Variants in EPS15L1 observed in about 807,000 individuals in gnomAD.
EPS15L1 encodes epidermal growth factor receptor substrate 15-like 1.
EPS15L1 carries 43 observed loss-of-function variants against 117.1 expected under a neutral mutation model. That is an observed-to-expected ratio of 0.37 (90% CI 0.29 to 0.47). The LOEUF (loss-of-function observed/expected upper bound fraction) is 0.47, where lower values mean the gene tolerates loss of function less well. Among genes scored for constraint, EPS15L1 ranks in the 20% least tolerant of loss-of-function variants. The pLI, the probability that EPS15L1 is intolerant of heterozygous loss-of-function variation, is 0.99. For synonymous variants in EPS15L1, 459 were observed against 470.5 expected, an observed-to-expected ratio of 0.98 and a Z score of 0.32; for missense variants, 981 against 1,164.0, an observed-to-expected ratio of 0.84 and a Z score of 2.29.
In EPS15L1 at chr19:16,394,396, G is replaced by A. The variant is rs2290666; in HGVS notation, c.1916-395C>T. ...CTGGGCTGTCCCTCACTTTATCACC[G>A]GCCCTGCAGCAATGAGGCGGCGGCA... On this transcript the variant is annotated intron_variant, in intron 17 of 23. Coordinates refer to ENST00000455140, the MANE Select transcript of EPS15L1 (RefSeq NM_001258374.3). Among the ~76,000 whole-genome samples the A allele has an allele frequency of 1.0e-3, 153 of 152,236 alleles. No homozygotes were observed. The East Asian group carries it at 0.02, about 20-fold the overall frequency.
intron 4 of EPS15L1, among the ~76,000 whole-genome samples, chr19:16,438,090 T>C (rs1186609554): frequency 6.6e-6 from 1 of 152,162 alleles, no homozygotes; most frequent in Non-Finnish European, 1.5e-5. Context: ...TGGTGGCTCA[T>C]GTCTGTAATC....
At chr19:16,433,715 C>T (rs957562574) in intron 7 of EPS15L1, among the ~76,000 whole-genome samples, 1 of 151,758 alleles carries the variant, frequency 6.6e-6, no homozygotes, top group Non-Finnish European at 1.5e-5. Flanking sequence ...GCCTGTAATC[C>T]CAGCACTTTG....
rs747171364 is a variant in EPS15L1, at chr19:16,437,808, A to G, written c.271T>C (p.Leu91=). ...GGCATGCTCAAATTCAGATTGCTCA[A>G]GGTAACTTCATGGCCACTCTGTGCA... ...ACAQSGHEVT[L]SNLNLSMPPP... is the part of the protein sequence containing the mutation. The change falls in exon 5 of 24, where the codon TTG becomes CTG. Residue 91 remains leucine (L), a synonymous_variant. Transcript: ENST00000455140. 7 of 1,614,150 alleles carry G rather than the reference A, an allele frequency of 4.3e-6. No individual in the cohort carries two copies. The highest frequency in any genetic ancestry group is 5.9e-6 in the Non-Finnish European group (7 of 1,180,010).
chr19:16,361,585 CT>C (rs774439435), intron 23 of EPS15L1, 193 bp downstream of exon 23: 17,181 of 1,023,296 alleles, frequency 0.017, 1 homozygote, highest in East Asian at 0.037. Flanking sequence ...AACTGCGGCT[CT>C]TTTTTTTTTT....
intron 7 of EPS15L1, among the ~76,000 whole-genome samples, chr19:16,430,561 C>T (rs181345883): frequency 6.6e-6 from 1 of 152,218 alleles, no homozygotes; most frequent in African/African-American, 2.4e-5. Flanking sequence ...CCCGGCCTGC[C>T]CATACTAAGC....
At chr19:16,419,385 G>A (rs2092792798) in intron 10 of EPS15L1, among the ~76,000 whole-genome samples, 1 of 152,182 alleles carries the variant, frequency 6.6e-6, no homozygotes, top group Non-Finnish European at 1.5e-5. Context: ...CTTGAACCCA[G>A]GAGGCAGAGG....
intron 21 of EPS15L1, among the ~76,000 whole-genome samples, chr19:16,379,041 C>T (rs1027648231): frequency 1.3e-5 from 2 of 152,168 alleles, no homozygotes; most frequent in East Asian, 3.9e-4. Context: ...CACTGGCTCA[C>T]GCCTGTAATC....
chr19:16,467,775 G>C (rs1250906609), intron 1 of EPS15L1, among the ~76,000 whole-genome samples: 1 of 152,200 alleles, frequency 6.6e-6, no homozygotes, highest in African/African-American at 2.4e-5. Context: ...GCCGGGTGCT[G>C]CTCTGGGAGA....
intron 22 of EPS15L1, 37 bp downstream of exon 22, chr19:16,377,085 G>A (rs770301103): frequency 1.0e-5 from 16 of 1,569,770 alleles, no homozygotes; most frequent in South Asian, 7.0e-5. Flanking sequence ...ATCCGGCACC[G>A]GTAGGCGGTG....
At chr19:16,464,170 C>T (rs986155621) in intron 1 of EPS15L1, among the ~76,000 whole-genome samples, 2 of 152,242 alleles carry the variant, frequency 1.3e-5, no homozygotes, top group East Asian at 1.9e-4. Context: ...TTCCACACCA[C>T]AGGCAGTGCA....
rs1447700085 is a variant in EPS15L1, at chr19:16,471,916, C to T, written c.30G>A (p.Gln10=). The T allele has an allele frequency of 7.7e-7, 1 of 1,301,828 alleles. No individual in the cohort carries two copies. Among genetic ancestry groups the T allele is most frequent in the Non-Finnish European group, 9.7e-7 (1 of 1,026,958 alleles). The allele number at this position is 1,301,828 out of a possible 1,614,324, so 80.6% of individuals were successfully genotyped here. The part of the protein sequence containing the change: MAAPLIPLS[Q]QIPTGNSLYE... ...CCCAGGCCCGCCCGGCCCGTACCTGCTGGGAGAGGGGGATGAGCGGCGCCG... is the reference window on the plus strand; with the variant it reads ...CCCAGGCCCGCCCGGCCCGTACCTGTTGGGAGAGGGGGATGAGCGGCGCCG... The change falls in exon 1 of 24, where the codon CAG becomes CAA. Residue 10 remains glutamine (Q), a synonymous_variant. Coordinates refer to ENST00000455140, the MANE Select transcript of EPS15L1 (RefSeq NM_001258374.3). This position sits in a 1 kb window ranked among gnomAD's most constrained non-coding sequence, Gnocchi z 4.8.
At chr19:16,386,634 C>T (rs1436014307) in intron 19 of EPS15L1, among the ~76,000 whole-genome samples, 5 of 152,114 alleles carry the variant, frequency 3.3e-5, no homozygotes. Context: ...AGGATGGAGC[C>T]CAGAGACAAC....
chr19:16,369,888 G>A (rs1287239710), intron 22 of EPS15L1, among the ~76,000 whole-genome samples: 4 of 152,192 alleles, frequency 2.6e-5, no homozygotes, highest in Admixed American at 2.6e-4. Context: ...CCATCCTCTG[G>A]GGGGATTTCC....
chr19:16,426,518 A>G (rs1219611671), intron 8 of EPS15L1, among the ~76,000 whole-genome samples: 3 of 152,182 alleles, frequency 2.0e-5, no homozygotes, highest in African/African-American at 7.2e-5. Flanking sequence ...GGGCACCTAT[A>G]ATCCCAGTTA....
At chr19:16,436,848 T>C (rs910314237) in intron 6 of EPS15L1, 89 bp downstream of exon 6, 25 of 1,105,654 alleles carry the variant, frequency 2.3e-5, no homozygotes, top group Non-Finnish European at 3.4e-5. Flanking sequence ...AACATCAAAC[T>C]AGAACAATTC....
At position 16,381,005 on chromosome 19, in the gene EPS15L1, A is replaced by C. The variant is rs2092356189; in HGVS notation, c.2248-3751T>G. Among the ~76,000 whole-genome samples, 1 of 152,190 alleles carries C rather than the reference A, an allele frequency of 6.6e-6. No homozygotes were observed. The highest frequency in any genetic ancestry group is 2.4e-5 in the African/African-American group (1 of 41,450). On this transcript the variant is annotated intron_variant, in intron 21 of 23. Transcript: ENST00000455140. The surrounding 1 kb of genome is among the most constrained non-coding windows in gnomAD (Gnocchi z 4.2). ...AGAACAGGGAGGTGGCCCCTCTAAG[A>C]GGCAGCCTACCCATTCCAGGTCCCC...
chr19:16,383,560 G>A lies in EPS15L1; in HGVS notation c.2247+1569C>T, dbSNP rs1301419853. 6.6e-6 allele frequency: 1 copy of A among 152,324 alleles called. No homozygotes were observed. Among genetic ancestry groups the A allele is most frequent in the African/African-American group, 2.4e-5 (1 of 41,460 alleles). The allele number at this position is 152,324 out of a possible 1,614,324, so 9.4% of individuals were successfully genotyped here. A position where few individuals can be genotyped will look rare whatever the true frequency, so the allele number is the denominator to read the frequency against. On this transcript the variant is annotated intron_variant, in intron 21 of 23. Coordinates refer to ENST00000455140, the MANE Select transcript of EPS15L1 (RefSeq NM_001258374.3). This position sits in a 1 kb window ranked among gnomAD's most constrained non-coding sequence, Gnocchi z 5.2. ...CAAACCGTGTCACAGCGTGGCATAT[G>A]AGGGATGGAGGCCTTCTCCGTGTGC...
intron 1 of EPS15L1, among the ~76,000 whole-genome samples, chr19:16,449,759 A>G (rs1449949899): frequency 2.0e-5 from 3 of 152,160 alleles, no homozygotes; most frequent in Non-Finnish European, 4.4e-5. Context: ...ATGTCCTCCA[A>G]TAAGTGAGTG....
chr19:16,404,056 G>T lies in EPS15L1; in HGVS notation c.1429-126C>A, dbSNP rs1165418547. On this transcript the variant is annotated intron_variant, in intron 14 of 23. Transcript: ENST00000455140. This position sits in a 1 kb window ranked among gnomAD's most constrained non-coding sequence, Gnocchi z 4.2. The stretch of plus-strand genomic sequence containing the variant: ...CCAGGGACGCAGACACCTAACCCAG[G>T]CCCGACACCTGGCTTCCTTACAGGC... 8.4e-6 allele frequency: 7 copies of T among 829,690 alleles called. No individual in the cohort carries two copies. Among genetic ancestry groups the T allele is most frequent in the Non-Finnish European group, 1.3e-5 (7 of 528,612 alleles). 51.4% of individuals were successfully genotyped at this position (829,690 alleles called of 1,614,324 possible). A position where few individuals can be genotyped will look rare whatever the true frequency, so the allele number is the denominator to read the frequency against.
Sources: allele counts gnomAD v4.1 joint callset (sites outside exome capture counted in the v4.1 genomes callset), GRCh38; gene constraint gnomAD v4.1.1; non-coding constraint Gnocchi (gnomAD v3.1); transcripts MANE v1.5; gene names NCBI Gene and HGNC (gene_info 2026-07-23, HGNC 2026-07-21).